The following TSHR variants were observed in gnomAD, a reference collection of about 807,000 sequenced individuals.
TSHR encodes the protein thyrotropin receptor.
In TSHR, 51 loss-of-function variants were observed where a neutral mutation model predicts 64.1. That is an observed-to-expected ratio of 0.80 (90% CI 0.64 to 1.01). The LOEUF is 1.01. Ranked by LOEUF, TSHR falls within the 50% of genes least tolerant of loss-of-function variation. The pLI is 0.00. For missense variants in TSHR, 877 were observed against 942.8 expected, an observed-to-expected ratio of 0.93 and a Z score of 0.91; for synonymous variants, 361 against 361.9, an observed-to-expected ratio of 1.00 and a Z score of 0.03.
chr14:81,035,875 T>TA (rs143170208), intron 1 of TSHR, among the ~76,000 whole-genome samples: 8,405 of 139,758 alleles, frequency 0.06, 371 homozygotes, highest in African/African-American at 0.13. Context: ...TCAAAAAAAA[T>TA]AAAAATAAAT....
chr14:81,102,336 G>T (rs1013289190), intron 7 of TSHR, among the ~76,000 whole-genome samples: 1 of 151,960 alleles, frequency 6.6e-6, no homozygotes, highest in African/African-American at 2.4e-5. Flanking sequence ...TTCTGTCAGT[G>T]ACAATGGATT....
At chr14:81,088,196 C>A (rs1438303405) in intron 4 of TSHR, among the ~76,000 whole-genome samples, 168 bp downstream of exon 4, 5 of 152,216 alleles carry the variant, frequency 3.3e-5, no homozygotes, top group Non-Finnish European at 5.9e-5. Flanking sequence ...ATTTTTAAAA[C>A]CTATTCAAAA....
intron 1 of TSHR, among the ~76,000 whole-genome samples, chr14:81,044,761 G>A (rs1027362818): frequency 2.0e-5 from 3 of 151,884 alleles, no homozygotes; most frequent in African/African-American, 2.4e-5. Flanking sequence ...AGATGCTGGC[G>A]AGATTGCAGA....
chr14:81,001,964 G>A (rs1028237745), intron 1 of TSHR, among the ~76,000 whole-genome samples: 2 of 152,020 alleles, frequency 1.3e-5, no homozygotes, highest in Non-Finnish European at 2.9e-5. Context: ...GGCTATTGCA[G>A]AAACACAGTT....
intron 1 of TSHR, among the ~76,000 whole-genome samples, chr14:80,967,162 A>G (rs1371298677): frequency 7.8e-6 from 1 of 128,266 alleles, no homozygotes; most frequent in Non-Finnish European, 1.7e-5. Context: ...AGGAGAAAAA[A>G]AAATTATATA....
Position 81,142,940 on chromosome 14 carries a change from A to AAAGGC in TSHR, c.883_884insAGGCA (p.Ile295LysfsTer7). The stretch of plus-strand genomic sequence containing the variant: ...CTGACTCTTTTCTGTTGCCTTGCAG[A>AAAGGC]ATCCTTGAGTCCTTGATGTGTAATG... On this transcript the variant is annotated frameshift_variant and splice_region_variant, in exon 10 of 10. Transcript: ENST00000298171. LOFTEE classifies it high-confidence loss of function. The AAAGGC allele has an allele frequency of 1.2e-6, 2 of 1,614,084 alleles. No homozygotes were observed. Among genetic ancestry groups the AAAGGC allele is most frequent in the Non-Finnish European group, 1.7e-6 (2 of 1,180,018 alleles).
intron 1 of TSHR, among the ~76,000 whole-genome samples, chr14:80,977,926 T>G (rs1463502141): frequency 1.3e-5 from 2 of 152,000 alleles, no homozygotes; most frequent in Non-Finnish European, 2.9e-5. Flanking sequence ...GCACCAGATA[T>G]AGGCCTTCTC....
At chr14:80,995,572 C>T (rs1888965197) in intron 1 of TSHR, 1 of 152,066 alleles carries the variant, frequency 6.6e-6, no homozygotes, top group Admixed American at 6.6e-5. Context: ...CAAACCAACA[C>T]AGGAACAGAA....
chr14:81,131,110 C>T (rs1229801616), intron 8 of TSHR, among the ~76,000 whole-genome samples: 1 of 151,994 alleles, frequency 6.6e-6, no homozygotes, highest in African/African-American at 2.4e-5. Context: ...TCCCTCCAAA[C>T]CTGCCTCACC....
chr14:81,110,007 C>T (rs539805148), intron 8 of TSHR, among the ~76,000 whole-genome samples: 3 of 152,252 alleles, frequency 2.0e-5, no homozygotes, highest in East Asian at 3.9e-4. Flanking sequence ...TAAGAAAAGT[C>T]ATTGCTTTTT....
At chr14:81,073,017 A>AAAAAAAAAATAT (rs1555376957) in intron 3 of TSHR, among the ~76,000 whole-genome samples, 5 of 91,214 alleles carry the variant, frequency 5.5e-5, no homozygotes, top group African/African-American at 2.2e-4. Context: ...AAAAATAAAA[A>AAAAAAAAAATAT]ATAAATATAT....
intron 1 of TSHR, chr14:80,983,087 G>T: frequency 1.6e-6 from 1 of 631,932 alleles, no homozygotes. Context: ...GTATAATGAT[G>T]CTTATTGAAA....
chr14:81,134,909 T>A (rs753469470), intron 8 of TSHR, among the ~76,000 whole-genome samples: 4 of 152,146 alleles, frequency 2.6e-5, no homozygotes, highest in Non-Finnish European at 5.9e-5. Context: ...TACACCTTCA[T>A]GAAATGTCAC....
chr14:81,141,687 T>G (rs1052191467), intron 9 of TSHR, among the ~76,000 whole-genome samples: 1 of 152,154 alleles, frequency 6.6e-6, no homozygotes, highest in Non-Finnish European at 1.5e-5. Context: ...GGTGGGCGGA[T>G]CACTTGAGGT....
chr14:81,069,367 T>C (rs112663403), intron 3 of TSHR, among the ~76,000 whole-genome samples: 2,342 of 152,260 alleles, frequency 0.015, 80 homozygotes, highest in African/African-American at 0.053. Context: ...GTCCAAGATA[T>C]TGCTTACAAG....
At chr14:81,062,803 T>C (rs1010048706) in intron 2 of TSHR, among the ~76,000 whole-genome samples, 3 of 152,182 alleles carry the variant, frequency 2.0e-5, no homozygotes, top group Non-Finnish European at 4.4e-5. Context: ...CTTTATTTCA[T>C]TTAATTGATT....
intron 3 of TSHR, among the ~76,000 whole-genome samples, chr14:81,076,081 T>G (rs1206901132): frequency 6.6e-6 from 1 of 152,156 alleles, no homozygotes; most frequent in Non-Finnish European, 1.5e-5. Flanking sequence ...CACTCATAGG[T>G]GGGAATTGAA....
intron 1 of TSHR, among the ~76,000 whole-genome samples, chr14:81,043,745 C>A (rs781686554): frequency 6.6e-6 from 1 of 151,982 alleles, no homozygotes; most frequent in Non-Finnish European, 1.5e-5. Flanking sequence ...ACACATAGAC[C>A]AATGGAACAG....
At chr14:81,115,439 G>A (rs1396080960) in intron 8 of TSHR, among the ~76,000 whole-genome samples, 4 of 143,628 alleles carry the variant, frequency 2.8e-5, no homozygotes, top group Non-Finnish European at 4.4e-5. Context: ...AGCGATGGAA[G>A]ATGAAATGAA....
Sources: allele counts gnomAD v4.1 joint callset (sites outside exome capture counted in the v4.1 genomes callset), GRCh38; gene constraint gnomAD v4.1.1; transcripts MANE v1.5; gene names NCBI Gene and HGNC (gene_info 2026-07-23, HGNC 2026-07-21).